PLXDC2: variants seen among roughly 807,000 people sequenced by gnomAD.
PLXDC2 encodes the protein plexin domain containing 2.
In PLXDC2, 40 loss-of-function variants were observed where a neutral mutation model predicts 68.9. The observed-to-expected ratio is 0.58, with a 90% CI of 0.45 to 0.76. PLXDC2 has a LOEUF of 0.76. Ranked by LOEUF, PLXDC2 falls within the 30% of genes least tolerant of loss-of-function variation. The pLI, the probability that PLXDC2 is intolerant of heterozygous loss-of-function variation, is 0.00. For missense variants in PLXDC2, 644 were observed against 661.9 expected (o/e 0.97, Z 0.30); for synonymous variants, 243 against 234.2 (o/e 1.04, Z -0.34).
At position 19,872,146 on chromosome 10, in the gene PLXDC2, G is replaced by A. The variant is rs556981705; in HGVS notation, c.112+54955G>A. Among the ~76,000 whole-genome samples the A allele has an allele frequency of 2.2e-4, 34 of 152,266 alleles. No individual in the cohort carries two copies. The East Asian group carries it at 6.4e-3, about 29-fold the overall frequency. On this transcript the variant is annotated intron_variant, in intron 1 of 13. Coordinates refer to ENST00000377252, the MANE Select transcript of PLXDC2 (RefSeq NM_032812.9). ...TCAGAAAATCCAACAGGTTAAAGAA[G>A]AAATTTCAGGGACCATTAGCCATGA...
chr10:20,129,895 C>G (rs1270541239), intron 4 of PLXDC2, among the ~76,000 whole-genome samples: 1 of 152,034 alleles, frequency 6.6e-6, no homozygotes, highest in African/African-American at 2.4e-5. Context: ...CAGAACCATT[C>G]TGTTTTGATT....
chr10:20,161,453 CTT>C (rs1220918119), intron 6 of PLXDC2, among the ~76,000 whole-genome samples: 55 of 142,026 alleles, frequency 3.9e-4, no homozygotes, highest in Admixed American at 4.2e-4. Context: ...CTCTCTCTCT[CTT>C]TTTTTTTTTT....
intron 2 of PLXDC2, among the ~76,000 whole-genome samples, chr10:20,031,961 A>G (rs1479092579): frequency 6.6e-6 from 1 of 152,056 alleles, no homozygotes. Flanking sequence ...CTGGGATTTC[A>G]GGTGTGTGCT....
At chr10:19,983,034 A>G (rs980506829) in intron 1 of PLXDC2, among the ~76,000 whole-genome samples, 5 of 152,162 alleles carry the variant, frequency 3.3e-5, no homozygotes, top group Admixed American at 2.6e-4. Flanking sequence ...TACACCATTT[A>G]TATGTTCTTT....
intron 6 of PLXDC2, among the ~76,000 whole-genome samples, chr10:20,151,081 T>C (rs1834146444): frequency 6.6e-6 from 1 of 152,224 alleles, no homozygotes; most frequent in Non-Finnish European, 1.5e-5. Context: ...TTGTTCTCGA[T>C]ACAAAGCAGT....
At chr10:20,035,310 A>G (rs974363860) in intron 2 of PLXDC2, among the ~76,000 whole-genome samples, 4 of 152,214 alleles carry the variant, frequency 2.6e-5, no homozygotes, top group Non-Finnish European at 5.9e-5. Flanking sequence ...TTTTAAAGAC[A>G]TGGAGAAGTT....
chr10:19,977,044 C>G (rs988079740), intron 1 of PLXDC2, among the ~76,000 whole-genome samples: 1 of 152,168 alleles, frequency 6.6e-6, no homozygotes, highest in Non-Finnish European at 1.5e-5. Flanking sequence ...GTGTCCATCT[C>G]ATGGCATAAT....
At chr10:20,034,757 T>C (rs186994251) in intron 2 of PLXDC2, among the ~76,000 whole-genome samples, 1 of 152,332 alleles carries the variant, frequency 6.6e-6, no homozygotes, top group East Asian at 1.9e-4. Flanking sequence ...ATTCTGTATT[T>C]TTACCGTAAC....
intron 1 of PLXDC2, among the ~76,000 whole-genome samples, chr10:19,960,397 A>G (rs1296296350): frequency 1.3e-5 from 2 of 152,018 alleles, no homozygotes; most frequent in African/African-American, 4.8e-5. Flanking sequence ...GAATAAAATA[A>G]AATAAAATAA....
intron 3 of PLXDC2, among the ~76,000 whole-genome samples, chr10:20,052,030 A>G (rs1397250444): frequency 1.3e-5 from 2 of 151,884 alleles, no homozygotes; most frequent in African/African-American, 2.4e-5. Context: ...TCAACAGAAA[A>G]CACACACACA....
intron 6 of PLXDC2, among the ~76,000 whole-genome samples, chr10:20,162,909 C>CAAAAAAAAAAAAAAAAA (rs71390763): frequency 1.0e-5 from 1 of 98,058 alleles, no homozygotes; most frequent in Non-Finnish European, 1.9e-5. Flanking sequence ...ACTAAAAATA[C>CAAAAAAAAAAAAAAAAA]AAAAAAAAAA....
At chr10:20,265,621 G>A (rs1835862851) in intron 13 of PLXDC2, among the ~76,000 whole-genome samples, 1 of 151,862 alleles carries the variant, frequency 6.6e-6, no homozygotes, top group Non-Finnish European at 1.5e-5. Flanking sequence ...TGTATATATT[G>A]GCATATAAAG....
rs565470909 is a variant in PLXDC2 at position 19,869,473 on chromosome 10, G to C, written c.112+52282G>C. Among the ~76,000 whole-genome samples the C allele has an allele frequency of 5.2e-4, 66 of 127,676 alleles. 1 individual carries two copies. The highest frequency in any genetic ancestry group is 1.6e-3 in the Admixed American group (20 of 12,608). 83.8% of individuals were successfully genotyped at this position (127,676 alleles called of 152,430 possible). ...AGAGAAAGAGAGAGAGAGAAAGGGG[G>C]GGGGGGGAGAGGGTGGGAGGGAGGG... is the stretch of plus-strand genomic sequence containing the variant. On this transcript the variant is annotated intron_variant, in intron 1 of 13. Transcript: ENST00000377252.
At chr10:20,121,927 G>T (rs1193751200) in intron 4 of PLXDC2, among the ~76,000 whole-genome samples, 1 of 152,100 alleles carries the variant, frequency 6.6e-6, no homozygotes, top group Non-Finnish European at 1.5e-5. Flanking sequence ...ATCGGGGTAA[G>T]GGTGATTAGG....
chr10:19,900,980 GATGTGT>G (rs911649072), intron 1 of PLXDC2, among the ~76,000 whole-genome samples: 3 of 108,660 alleles, frequency 2.8e-5, no homozygotes, highest in African/African-American at 1.3e-4. Context: ...ATATATGTGT[GATGTGT>G]GTGTGTGTGT....
chr10:19,895,861 A>G (rs544071322), intron 1 of PLXDC2, among the ~76,000 whole-genome samples: 48 of 152,128 alleles, frequency 3.2e-4, no homozygotes, highest in Non-Finnish European at 4.7e-4. Context: ...TTGAGGGTGC[A>G]GTGAGCTATG....
chr10:20,184,631 A>T (rs1289202177), intron 9 of PLXDC2, among the ~76,000 whole-genome samples: 1 of 151,950 alleles, frequency 6.6e-6, no homozygotes, highest in Non-Finnish European at 1.5e-5. Context: ...TACAGAAATT[A>T]AACTAAGTTT....
chr10:19,896,124 C>A (rs1838054169), intron 1 of PLXDC2, among the ~76,000 whole-genome samples: 2 of 152,184 alleles, frequency 1.3e-5, no homozygotes, highest in East Asian at 1.9e-4. Context: ...TGGCTTAGTT[C>A]TTCCACAGCC....
At chr10:19,832,790 C>T (rs867596863) in intron 1 of PLXDC2, among the ~76,000 whole-genome samples, 2 of 152,138 alleles carry the variant, frequency 1.3e-5, no homozygotes, top group African/African-American at 2.4e-5. Flanking sequence ...GGAAGAGTCC[C>T]GCGGAGGTGT....
Sources: gnomAD v4.1 joint callset for allele counts (sites outside exome capture counted in the v4.1 genomes callset) on GRCh38, gnomAD v4.1.1 for gene constraint, MANE v1.5 for transcripts, NCBI Gene and HGNC (gene_info 2026-07-23, HGNC 2026-07-21) for gene names.